ERG: variants seen among roughly 807,000 people sequenced by gnomAD.
ERG encodes the protein transcriptional regulator ERG.
Under a neutral mutation model 55.3 loss-of-function variants are expected in ERG, and 9 were observed. That is an observed-to-expected ratio of 0.16 (90% CI 0.10 to 0.28). ERG has a LOEUF of 0.28. ERG is among the 10% of genes least tolerant of loss of function. ERG has a pLI of 1.00. For missense variants in ERG, 434 were observed against 631.6 expected, an observed-to-expected ratio of 0.69 and a Z score of 3.35; for synonymous variants, 223 against 237.3, an observed-to-expected ratio of 0.94 and a Z score of 0.55.
intron 1 of ERG, among the ~76,000 whole-genome samples, chr21:38,593,130 C>T (rs895530353): frequency 6.6e-6 from 1 of 152,226 alleles, no homozygotes; most frequent in Non-Finnish European, 1.5e-5. Context: ...TGGCTGCCAG[C>T]TTCCACCAGA....
At chr21:38,499,915 G>GT (rs2059408780), upstream of ERG, among the ~76,000 whole-genome samples, 2 of 152,130 alleles carry the variant, frequency 1.3e-5, no homozygotes, top group South Asian at 4.1e-4. Flanking sequence ...AGAGTATATT[G>GT]TAAGAAAATC....
intron 2 of ERG, among the ~76,000 whole-genome samples, chr21:38,429,185 CTCCA>C (rs1304587320): frequency 1.3e-5 from 2 of 152,130 alleles, no homozygotes; most frequent in Admixed American, 6.5e-5. Flanking sequence ...TGGTCTCCAA[CTCCA>C]TCCAAGTTGC....
At chr21:38,466,237 G>A (rs2059087500) in intron 1 of ERG, among the ~76,000 whole-genome samples, 1 of 151,082 alleles carries the variant, frequency 6.6e-6, no homozygotes, top group South Asian at 2.1e-4. Context: ...GAACCAAGAA[G>A]AAAATCCATC....
chr21:38,637,788 T>G (rs2146966025), intron 1 of ERG, among the ~76,000 whole-genome samples: 1 of 152,190 alleles, frequency 6.6e-6, no homozygotes, highest in South Asian at 2.1e-4. Flanking sequence ...GTTAGTTTTA[T>G]GCTGTCTCTT....
At chr21:38,572,885 G>A (rs1251056510) in intron 2 of ERG, among the ~76,000 whole-genome samples, 2 of 152,176 alleles carry the variant, frequency 1.3e-5, no homozygotes, top group East Asian at 3.8e-4. Context: ...AGATCTGACT[G>A]TTACTGTGTC....
intron 3 of ERG, among the ~76,000 whole-genome samples, chr21:38,416,297 G>A (rs530480575): frequency 6.6e-6 from 1 of 152,332 alleles, no homozygotes; most frequent in African/African-American, 2.4e-5. Context: ...GAAGACGGTC[G>A]ATGGTCAGGT....
rs140254743 is a variant in ERG at position 38,465,567 on chromosome 21, A to G, written c.19-19946T>C. Among the ~76,000 whole-genome samples, 607 of 152,280 alleles carry G rather than the reference A, an allele frequency of 4.0e-3. 4 individuals carry two copies. The highest frequency in any genetic ancestry group is 0.014 in the African/African-American group (588 of 41,548). ...AAACTACAGGCACTGGGTGATAATG[A>G]CCTGTCAATATAGGTTCATCAACTG... is the stretch of plus-strand genomic sequence containing the variant. On this transcript the variant is annotated intron_variant, in intron 1 of 9. Coordinates refer to ENST00000288319, the MANE Select transcript of ERG (RefSeq NM_182918.4).
the ERG span, among the ~76,000 whole-genome samples, chr21:38,374,383 G>A: frequency 6.6e-6 from 1 of 152,248 alleles, no homozygotes; most frequent in South Asian, 2.1e-4. Flanking sequence ...ACAAAGGCTC[G>A]AGTCAACACC....
At chr21:38,567,676 T>C (rs1032458289) in intron 2 of ERG, among the ~76,000 whole-genome samples, 1 of 152,198 alleles carries the variant, frequency 6.6e-6, no homozygotes, top group Admixed American at 6.5e-5. Context: ...ATTTGCAAAC[T>C]GTGAGAAATG....
chr21:38,658,844 C>A (rs1322703720), intron 1 of ERG, among the ~76,000 whole-genome samples: 1 of 152,140 alleles, frequency 6.6e-6, no homozygotes, highest in African/African-American at 2.4e-5. Context: ...AAACGTGGAA[C>A]GTGGAGGGGG....
intron 2 of ERG, among the ~76,000 whole-genome samples, chr21:38,509,950 G>A (rs372168331): frequency 3.3e-5 from 5 of 152,298 alleles, no homozygotes; most frequent in East Asian, 1.9e-4. Context: ...GCTTCCCTCA[G>A]TCAATTTTGA....
upstream of ERG, among the ~76,000 whole-genome samples, chr21:38,586,070 T>C (rs946542278): frequency 8.6e-5 from 13 of 151,774 alleles, no homozygotes; most frequent in Non-Finnish European, 1.6e-4. Flanking sequence ...CAGTGTGAAA[T>C]AGGAGTTCTT....
chr21:38,413,029 G>C (rs1569077255), intron 3 of ERG, among the ~76,000 whole-genome samples: 1 of 152,148 alleles, frequency 6.6e-6, no homozygotes. Context: ...GTATGGGGTG[G>C]GGACTCGGGT....
chr21:38,369,466 T>C, the ERG span, among the ~76,000 whole-genome samples: 5 of 152,342 alleles, frequency 3.3e-5, no homozygotes, highest in East Asian at 7.7e-4. Flanking sequence ...ACAAGGGTTG[T>C]TTCTTTTCTT....
chr21:38,444,421 AG>A (rs1359787584), intron 2 of ERG, among the ~76,000 whole-genome samples: 1 of 152,250 alleles, frequency 6.6e-6, no homozygotes, highest in Non-Finnish European at 1.5e-5. Flanking sequence ...TACACAGTAA[AG>A]TTTCCGAAAA....
Position 38,480,061 on chromosome 21 carries a change from C to A in ERG, c.18+18302G>T, listed in dbSNP as rs558924715. Among the ~76,000 whole-genome samples, 42 of 152,194 alleles carry A rather than the reference C, an allele frequency of 2.8e-4. No individual in the cohort carries two copies. The South Asian group carries it at 8.7e-3, about 32-fold the overall frequency. ...ATAAGCACTGTGATACCGTGACAGT[C>A]GATCCCATAACCAAGAGGGCTACTC... On this transcript the variant is annotated intron_variant, in intron 1 of 9. Transcript: ENST00000288319.
At chr21:38,436,026 T>TC (rs1268576359) in intron 2 of ERG, among the ~76,000 whole-genome samples, 2 of 150,486 alleles carry the variant, frequency 1.3e-5, no homozygotes, top group East Asian at 1.9e-4. Context: ...TTTTCTTTTT[T>TC]TTTTTTTTTT....
At chr21:38,597,149 T>C (rs2060136079) in intron 1 of ERG, among the ~76,000 whole-genome samples, 1 of 152,186 alleles carries the variant, frequency 6.6e-6, no homozygotes, top group Non-Finnish European at 1.5e-5. Flanking sequence ...GACTTGCCAG[T>C]CTACAATTGT....
chr21:38,530,642 C>A (rs535094108), intron 2 of ERG, among the ~76,000 whole-genome samples: 1 of 152,312 alleles, frequency 6.6e-6, no homozygotes, highest in African/African-American at 2.4e-5. Flanking sequence ...CTACCATCTA[C>A]ATCATTAGGC....
Sources: allele counts gnomAD v4.1 joint callset (sites outside exome capture counted in the v4.1 genomes callset), GRCh38; gene constraint gnomAD v4.1.1; transcripts MANE v1.5; gene names NCBI Gene and HGNC (gene_info 2026-07-23, HGNC 2026-07-21).